Variants in BTBD10 observed in about 807,000 individuals in gnomAD.
BTBD10 encodes BTB/POZ domain-containing protein 10.
Under a neutral mutation model 53.2 loss-of-function variants are expected in BTBD10, and 21 were observed. The ratio of observed to expected loss-of-function variants is 0.39; its 90% CI spans 0.28 to 0.57. The LOEUF (loss-of-function observed/expected upper bound fraction) is 0.57. Ranked by LOEUF, BTBD10 falls within the 20% of genes least tolerant of loss-of-function variation. The pLI is 0.53. For synonymous variants in BTBD10, 149 were observed against 192.7 expected, an observed-to-expected ratio of 0.77 and a Z score of 1.88; for missense variants, 360 against 594.7, an observed-to-expected ratio of 0.61 and a Z score of 4.10.
At chr11:13,448,138 A>G (rs964981979) in intron 1 of BTBD10, among the ~76,000 whole-genome samples, 1 of 152,162 alleles carries the variant, frequency 6.6e-6, no homozygotes, top group African/African-American at 2.4e-5. Flanking sequence ...ATATGCCAAT[A>G]TGCAAGGTGC....
chr11:13,408,574 A>C (rs1949875688), intron 6 of BTBD10, among the ~76,000 whole-genome samples: 1 of 152,194 alleles, frequency 6.6e-6, no homozygotes, highest in Non-Finnish European at 1.5e-5. Context: ...TGGATATCTA[A>C]CAGGTATTTC....
At chr11:13,459,205 C>T (rs186411140) in intron 1 of BTBD10, among the ~76,000 whole-genome samples, 5,844 of 150,956 alleles carry the variant, frequency 0.039, 158 homozygotes, top group Non-Finnish European at 0.062. Flanking sequence ...TACAGGCGCC[C>T]GCCACTACGC....
chr11:13,442,954 G>A (rs1591162667), intron 2 of BTBD10, among the ~76,000 whole-genome samples: 1 of 152,112 alleles, frequency 6.6e-6, no homozygotes, highest in East Asian at 1.9e-4. Flanking sequence ...CCATGAATGA[G>A]GCTAAAATAA....
At chr11:13,456,303 A>T (rs1038649149) in intron 1 of BTBD10, among the ~76,000 whole-genome samples, 2 of 152,234 alleles carry the variant, frequency 1.3e-5, no homozygotes, top group African/African-American at 4.8e-5. Flanking sequence ...ACTTCAATAT[A>T]TGATGAAGTG....
intron 2 of BTBD10, among the ~76,000 whole-genome samples, chr11:13,428,739 G>C (rs1950393421): frequency 6.6e-6 from 1 of 152,002 alleles, no homozygotes; most frequent in African/African-American, 2.4e-5. Flanking sequence ...TCAGAAATAA[G>C]AATGTCTACT....
At chr11:13,438,661 C>T (rs1367085839) in intron 2 of BTBD10, among the ~76,000 whole-genome samples, 1 of 151,614 alleles carries the variant, frequency 6.6e-6, no homozygotes, top group Non-Finnish European at 1.5e-5. Context: ...TATATATACA[C>T]AGAAAAAACA....
intron 6 of BTBD10, among the ~76,000 whole-genome samples, chr11:13,407,562 T>C (rs981063340): frequency 2.0e-5 from 3 of 152,198 alleles, no homozygotes; most frequent in Admixed American, 6.6e-5. Context: ...GATTTCTCCT[T>C]TACCACCTAA....
At chr11:13,425,836 ACC>A (rs1375377790) in intron 2 of BTBD10, among the ~76,000 whole-genome samples, 3 of 152,198 alleles carry the variant, frequency 2.0e-5, no homozygotes, top group African/African-American at 7.2e-5. Flanking sequence ...ATCACTCAGT[ACC>A]TCTAAATATG....
At chr11:13,417,286 A>T in intron 4 of BTBD10, 26 bp from the exon 5 acceptor site, 2 of 1,500,422 alleles carry the variant, frequency 1.3e-6, no homozygotes, top group Non-Finnish European at 1.8e-6. Flanking sequence ...ATTGAGAAAT[A>T]CGTCAATAGA....
At chr11:13,412,559 G>A (rs1051238893) in intron 6 of BTBD10, among the ~76,000 whole-genome samples, 1 of 152,180 alleles carries the variant, frequency 6.6e-6, no homozygotes, top group African/African-American at 2.4e-5. Flanking sequence ...TGGATCTACT[G>A]TATTTCCAAA....
chr11:13,447,954 T>C (rs1218667880), intron 1 of BTBD10, among the ~76,000 whole-genome samples: 2 of 152,180 alleles, frequency 1.3e-5, no homozygotes, highest in African/African-American at 2.4e-5. Flanking sequence ...TTAAATTTTA[T>C]CAATAAGCTA....
intron 2 of BTBD10, among the ~76,000 whole-genome samples, chr11:13,444,485 T>C (rs1292628175): frequency 1.3e-5 from 2 of 152,148 alleles, no homozygotes; most frequent in East Asian, 3.9e-4. Context: ...AAATAATAGA[T>C]AGATGGCCTG....
At position 13,388,612 on chromosome 11, in the gene BTBD10, CAA is replaced by C. The variant is rs1949316963; in HGVS notation, c.*217_*218del. The C allele has an allele frequency of 4.3e-6, 2 of 468,644 alleles. No individual in the cohort carries two copies. Among genetic ancestry groups the C allele is most frequent in the Non-Finnish European group, 7.5e-6 (2 of 266,998 alleles). 29.0% of individuals were successfully genotyped at this position (468,644 alleles called of 1,614,324 possible). A position where few individuals can be genotyped will look rare whatever the true frequency, so the allele number is the denominator to read the frequency against. On this transcript the variant is annotated 3_prime_UTR_variant, in exon 9 of 9. Coordinates refer to ENST00000278174, the MANE Select transcript of BTBD10 (RefSeq NM_032320.7). ...CCAATTTCACAAACCTACTGGTAAA[CAA>C]ATACATTTACAACTGGAACTTCAAA...
At position 13,441,252 on chromosome 11, in the gene BTBD10, T is replaced by C. The variant is rs149814969; in HGVS notation, c.101+3772A>G. Among the ~76,000 whole-genome samples the C allele has an allele frequency of 6.8e-3, 1,035 of 152,148 alleles. 17 individuals carry two copies. The highest frequency in any genetic ancestry group is 0.024 in the African/African-American group (987 of 41,512). On this transcript the variant is annotated intron_variant, in intron 2 of 8. Coordinates refer to ENST00000278174, the MANE Select transcript of BTBD10 (RefSeq NM_032320.7). ...TGTAAACAAATTTTTAAAAGAGATA[T>C]ACATCTACATTCAAAAGAAAGTTTA...
intron 2 of BTBD10, chr11:13,440,373 G>A: frequency 2.1e-6 from 2 of 945,276 alleles, no homozygotes; most frequent in South Asian, 6.5e-5. Context: ...TGAGGGCTTA[G>A]AGATATGTAG....
At chr11:13,415,399 C>T (rs769620636) in intron 5 of BTBD10, among the ~76,000 whole-genome samples, 4 of 152,134 alleles carry the variant, frequency 2.6e-5, no homozygotes, top group Non-Finnish European at 2.9e-5. Flanking sequence ...ATGCCCCAGG[C>T]GCAGTGTTTC....
chr11:13,403,279 C>A lies in BTBD10; in HGVS notation c.1007-1G>T. On this transcript the variant is annotated splice_acceptor_variant, in intron 7 of 8. Transcript: ENST00000278174. LOFTEE classifies it high-confidence loss of function. Reference sequence around the variant, plus strand: ...CTATATAATTTTGTGCTATAAATAACTAGAAACAAAAAGAAAAATATTATT... The same window carrying A: ...CTATATAATTTTGTGCTATAAATAAATAGAAACAAAAAGAAAAATATTATT... The A allele has an allele frequency of 7.2e-7, 1 of 1,389,516 alleles. No homozygotes were observed. The highest frequency in any genetic ancestry group is 2.6e-5 in the Admixed American group (1 of 39,148). 86.1% of individuals were successfully genotyped at this position (1,389,516 alleles called of 1,614,324 possible). A position where few individuals can be genotyped will look rare whatever the true frequency, so the allele number is the denominator to read the frequency against.
At chr11:13,453,433 T>C (rs1950903918) in intron 1 of BTBD10, among the ~76,000 whole-genome samples, 1 of 152,224 alleles carries the variant, frequency 6.6e-6, no homozygotes, top group South Asian at 2.1e-4. Context: ...ACTTACTTTT[T>C]GTTGTATCCC....
chr11:13,440,255 C>A, intron 2 of BTBD10: 1 of 1,233,238 alleles, frequency 8.1e-7, no homozygotes, highest in Non-Finnish European at 1.0e-6. Context: ...GCAGCACTGA[C>A]GTTTCTAACA....
Sources: gnomAD v4.1 joint callset for allele counts (sites outside exome capture counted in the v4.1 genomes callset) on GRCh38, gnomAD v4.1.1 for gene constraint, MANE v1.5 for transcripts, NCBI Gene and HGNC (gene_info 2026-07-23, HGNC 2026-07-21) for gene names.